Variants in LSAMP observed in about 807,000 individuals in gnomAD.
LSAMP encodes limbic system-associated membrane protein.
Under a neutral mutation model 38.6 loss-of-function variants are expected in LSAMP, and 7 were observed. That is an observed-to-expected ratio of 0.18 (90% CI 0.10 to 0.34). The LOEUF is 0.34. LSAMP is among the 10% of genes least tolerant of loss of function. The pLI is 1.00. For synonymous variants in LSAMP, 154 were observed against 166.8 expected, an observed-to-expected ratio of 0.92 and a Z score of 0.59; for missense variants, 313 against 420.0, an observed-to-expected ratio of 0.75 and a Z score of 2.23.
At chr3:116,342,298 C>G (rs1160277848) in intron 1 of LSAMP, among the ~76,000 whole-genome samples, 3 of 152,020 alleles carry the variant, frequency 2.0e-5, no homozygotes, top group Non-Finnish European at 4.4e-5. Context: ...ACTCTTTAGA[C>G]TAAATTGAAT....
chr3:116,156,869 T>A lies in LSAMP; in HGVS notation c.156-70313A>T, dbSNP rs141499093. 2.5e-3 allele frequency among the ~76,000 whole-genome samples: 386 copies of A among 152,212 alleles called. 1 individual carries two copies. The highest frequency in any genetic ancestry group is 9.0e-3 in the African/African-American group (375 of 41,534). On this transcript the variant is annotated intron_variant, in intron 1 of 6. Transcript: ENST00000490035. ...AATGTGTCGTGTGAAAGGAGCATCA[T>A]CAGGTAGAGAATGAGGCATATTCTT...
intron 1 of LSAMP, among the ~76,000 whole-genome samples, chr3:116,108,428 G>T (rs568191407): frequency 1.3e-5 from 2 of 152,062 alleles, no homozygotes; most frequent in African/African-American, 4.8e-5. Context: ...TGGAAGCAAG[G>T]GAAACAGGCC....
intron 1 of LSAMP, among the ~76,000 whole-genome samples, chr3:116,296,267 TA>T (rs1439109918): frequency 2.0e-5 from 3 of 152,208 alleles, no homozygotes; most frequent in Non-Finnish European, 4.4e-5. Flanking sequence ...TATTTTACTG[TA>T]AAAATATTCT....
rs191715068 is a variant in LSAMP, at chr3:116,261,453, C to T, written c.156-174897G>A. On this transcript the variant is annotated intron_variant, in intron 1 of 6. Transcript: ENST00000490035. Reference sequence around the variant, plus strand: ...TCTTGGCATCACATTGAATTATCAGCATGTCACCTCGCTATTTAGAAAGCT... The same window carrying T: ...TCTTGGCATCACATTGAATTATCAGTATGTCACCTCGCTATTTAGAAAGCT... Among the ~76,000 whole-genome samples the T allele has an allele frequency of 9.8e-5, 15 of 152,296 alleles. No individual in the cohort carries two copies. The East Asian group carries it at 2.5e-3, about 25-fold the overall frequency.
At chr3:116,020,956 C>G (rs560348895) in intron 2 of LSAMP, among the ~76,000 whole-genome samples, 1 of 152,222 alleles carries the variant, frequency 6.6e-6, no homozygotes, top group African/African-American at 2.4e-5. Context: ...ACATTTTCTG[C>G]TTGCAGAAGC....
intron 1 of LSAMP, among the ~76,000 whole-genome samples, chr3:116,271,180 C>A (rs1480754795): frequency 1.3e-5 from 2 of 152,048 alleles, no homozygotes; most frequent in East Asian, 3.9e-4. Context: ...TCATATGCAA[C>A]AGCTTATTTT....
chr3:116,139,268 T>C (rs1352520972), intron 1 of LSAMP, among the ~76,000 whole-genome samples: 1 of 151,896 alleles, frequency 6.6e-6, no homozygotes, highest in African/African-American at 2.4e-5. Flanking sequence ...GGGCCCAATT[T>C]TGAAAGGATG....
chr3:116,108,165 A>G (rs1451670313), intron 1 of LSAMP, among the ~76,000 whole-genome samples: 4 of 152,160 alleles, frequency 2.6e-5, no homozygotes, highest in African/African-American at 9.7e-5. Flanking sequence ...TTATGGATTA[A>G]GGTGGGGGAA....
At chr3:116,221,254 T>C (rs575821527) in intron 1 of LSAMP, among the ~76,000 whole-genome samples, 1 of 152,250 alleles carries the variant, frequency 6.6e-6, no homozygotes, top group East Asian at 1.9e-4. Context: ...TCATTTTATC[T>C]TAAAATTTGC....
intron 1 of LSAMP, among the ~76,000 whole-genome samples, chr3:116,177,010 T>C (rs1002375460): frequency 6.6e-6 from 1 of 152,170 alleles, no homozygotes; most frequent in Non-Finnish European, 1.5e-5. Flanking sequence ...AAATCTTACT[T>C]GGAACCCAAG....
At chr3:116,121,441 C>A (rs1353107268) in intron 1 of LSAMP, among the ~76,000 whole-genome samples, 1 of 152,128 alleles carries the variant, frequency 6.6e-6, no homozygotes. Context: ...TCTTATAAAT[C>A]TTTAAAAATA....
intron 1 of LSAMP, among the ~76,000 whole-genome samples, chr3:116,242,020 TTA>T (rs1352242835): frequency 7.6e-6 from 1 of 131,142 alleles, no homozygotes; most frequent in Non-Finnish European, 1.7e-5. Context: ...TAGACTTAAC[TTA>T]ATCAGATGGG....
chr3:116,364,474 G>T (rs10934337), intron 1 of LSAMP, among the ~76,000 whole-genome samples: 1 of 27,924 alleles, frequency 3.6e-5, no homozygotes. Context: ...TCCCCATCAA[G>T]CTACCAATGA....
intron 1 of LSAMP, among the ~76,000 whole-genome samples, chr3:116,356,736 T>C (rs2048227770): frequency 6.6e-6 from 1 of 152,216 alleles, no homozygotes; most frequent in Non-Finnish European, 1.5e-5. Context: ...CCATAATCAT[T>C]TTTTAATTAA....
At chr3:116,007,681 C>CAG (rs1256080430) in intron 3 of LSAMP, among the ~76,000 whole-genome samples, 1 of 152,008 alleles carries the variant, frequency 6.6e-6, no homozygotes, top group Non-Finnish European at 1.5e-5. Context: ...CACACACACA[C>CAG]AGTCACTGAA....
chr3:115,860,814 G>GA (rs1165594368), intron 3 of LSAMP, among the ~76,000 whole-genome samples: 3 of 152,092 alleles, frequency 2.0e-5, no homozygotes, highest in African/African-American at 7.2e-5. Flanking sequence ...TGCAAGTGGA[G>GA]AAAAAATTAG....
intron 6 of LSAMP, among the ~76,000 whole-genome samples, chr3:115,835,492 T>C (rs1011474770): frequency 6.6e-6 from 1 of 152,228 alleles, no homozygotes; most frequent in Non-Finnish European, 1.5e-5. Context: ...GGATAGGATG[T>C]ATTATTTGCT....
At chr3:115,966,463 A>C (rs1441203100) in intron 3 of LSAMP, among the ~76,000 whole-genome samples, 5 of 152,190 alleles carry the variant, frequency 3.3e-5, no homozygotes, top group Non-Finnish European at 7.4e-5. Flanking sequence ...ACATTAGAAA[A>C]AGATTTGACC....
intron 3 of LSAMP, among the ~76,000 whole-genome samples, chr3:115,924,139 A>T (rs1275936873): frequency 6.6e-6 from 1 of 152,076 alleles, no homozygotes; most frequent in African/African-American, 2.4e-5. Flanking sequence ...TGAATTTTTT[A>T]GTTTGTTTGT....
Sources: gnomAD v4.1 joint callset for allele counts (sites outside exome capture counted in the v4.1 genomes callset) on GRCh38, gnomAD v4.1.1 for gene constraint, MANE v1.5 for transcripts, NCBI Gene and HGNC (gene_info 2026-07-23, HGNC 2026-07-21) for gene names.